Variants in ZNF273 observed in about 807,000 individuals in gnomAD.
The protein encoded by ZNF273 is zinc finger protein 273.
In ZNF273, 11 loss-of-function variants were observed where a neutral mutation model predicts 14.9. The observed-to-expected ratio is 0.74, with a 90% CI of 0.46 to 1.22. ZNF273 has a LOEUF of 1.22. ZNF273 is among the 50% of genes most tolerant of loss of function. The pLI is 0.00. For missense variants in ZNF273, 577 were observed against 660.6 expected (o/e 0.87, Z 1.39); for synonymous variants, 199 against 223.9 (o/e 0.89, Z 0.99).
intron 1 of ZNF273, among the ~76,000 whole-genome samples, chr7:64,906,006 A>G (rs1421069559): frequency 6.6e-6 from 1 of 152,220 alleles, no homozygotes; most frequent in East Asian, 1.9e-4. Flanking sequence ...CTTTGCCAGA[A>G]TGAGTTTAAG....
chr7:64,913,575 TA>T (rs1307656966), intron 1 of ZNF273, among the ~76,000 whole-genome samples: 2 of 152,236 alleles, frequency 1.3e-5, no homozygotes, highest in African/African-American at 4.8e-5. Context: ...CTGTAAACTT[TA>T]AAGAGACAGC....
chr7:64,883,625 G>A (rs1451473502), downstream of ZNF273, among the ~76,000 whole-genome samples: 1 of 152,200 alleles, frequency 6.6e-6, no homozygotes, highest in Non-Finnish European at 1.5e-5. Flanking sequence ...CGGTGCCCAG[G>A]TGGGAGGACT....
chr7:64,906,684 CT>C (rs1793131741), intron 1 of ZNF273, among the ~76,000 whole-genome samples: 1 of 122,642 alleles, frequency 8.2e-6, no homozygotes, highest in Non-Finnish European at 1.8e-5. Flanking sequence ...AGCCTTTATA[CT>C]GAGAGAAGCT....
intron 3 of ZNF273, among the ~76,000 whole-genome samples, chr7:64,920,006 CTG>C (rs1302205092): frequency 1.3e-5 from 2 of 151,604 alleles, no homozygotes; most frequent in Non-Finnish European, 2.9e-5. Flanking sequence ...GCATTGGTGT[CTG>C]TGAATTTGAA....
chr7:64,912,311 G>T (rs1793571349), intron 1 of ZNF273, among the ~76,000 whole-genome samples: 1 of 152,160 alleles, frequency 6.6e-6, no homozygotes, highest in Non-Finnish European at 1.5e-5. Flanking sequence ...AGGATTATTT[G>T]ATCAAGTATT....
intron 1 of ZNF273, among the ~76,000 whole-genome samples, chr7:64,916,196 G>A (rs958148567): frequency 6.6e-6 from 1 of 151,464 alleles, no homozygotes; most frequent in African/African-American, 2.4e-5. Context: ...AAATTATTAG[G>A]AGAAAACTGC....
chr7:64,895,556 C>T (rs1225259583), intron 3 of ZNF273, among the ~76,000 whole-genome samples: 4 of 152,064 alleles, frequency 2.6e-5, no homozygotes, highest in Non-Finnish European at 4.4e-5. Context: ...TAGTACAGCT[C>T]ATACATTTCA....
Position 64,929,287 on chromosome 7 carries a change from A to G in ZNF273, c.*249A>G, listed in dbSNP as rs1025379459. ...TGTCAAAAGATCTTTCAGACAATAT[A>G]AGCCTGCAAAGTGCAGCAGAGTATT... On this transcript the variant is annotated 3_prime_UTR_variant, in exon 4 of 4. Transcript: ENST00000476120. The G allele has an allele frequency of 3.4e-6, 1 of 290,842 alleles. No homozygotes were observed. The highest frequency in any genetic ancestry group is 6.3e-6 in the Non-Finnish European group (1 of 158,184). 18.0% of individuals were successfully genotyped at this position (290,842 alleles called of 1,614,324 possible).
At chr7:64,916,238 C>T (rs1281345704) in intron 1 of ZNF273, among the ~76,000 whole-genome samples, 1 of 151,818 alleles carries the variant, frequency 6.6e-6, no homozygotes, top group African/African-American at 2.4e-5. Context: ...CTTAAAATTA[C>T]TGTTAAAAAT....
rs1475015904 is a variant in ZNF273, at chr7:64,930,794, GTTTTGATACAGGTAT to G, written c.*1757_*1771del. The G allele has an allele frequency of 5.3e-5, 8 of 152,026 alleles. No homozygotes were observed. In the East Asian group the frequency reaches 1.3e-3, roughly 26 times the overall value. 9.4% of individuals were successfully genotyped at this position (152,026 alleles called of 1,614,324 possible). A position where few individuals can be genotyped will look rare whatever the true frequency, so the allele number is the denominator to read the frequency against. On this transcript the variant is annotated 3_prime_UTR_variant, in exon 4 of 4. Coordinates refer to ENST00000476120, the MANE Select transcript of ZNF273 (RefSeq NM_021148.3). The stretch of plus-strand genomic sequence containing the variant: ...TATGTTTTTATGCTGTATATGGCAT[GTTTTGATACAGGTAT>G]ATAATATGTAATAATCACATCAGGG...
At chr7:64,887,213 T>C (rs1583957909) in intron 1 of ZNF273, among the ~76,000 whole-genome samples, 2 of 152,238 alleles carry the variant, frequency 1.3e-5, no homozygotes, top group Non-Finnish European at 2.9e-5. Flanking sequence ...ATGCTGTGAA[T>C]GTGTGCACGT....
rs746174998 is a variant in ZNF273, at chr7:64,912,826, G to GTTTTGTTTTTTGTTTTTTTT, written c.103-4751_103-4750insGTTTTTTGTTTTTTTTTTTT. On this transcript the variant is annotated intron_variant, in intron 1 of 3. Coordinates refer to ENST00000476120, the MANE Select transcript of ZNF273 (RefSeq NM_021148.3). ...TCTTTTTGACTCAGGATTCATTTTA[G>GTTTTGTTTTTTGTTTTTTTT]TTTTTTTTTTTTTTTTTTTTGAGAT... Among the ~76,000 whole-genome samples, 19 of 36,572 alleles carry GTTTTGTTTTTTGTTTTTTTT rather than the reference G, an allele frequency of 5.2e-4. 1 individual carries two copies. Among genetic ancestry groups the GTTTTGTTTTTTGTTTTTTTT allele is most frequent in the East Asian group, 3.7e-3 (6 of 1,618 alleles). 24.0% of individuals were successfully genotyped at this position (36,572 alleles called of 152,430 possible). A position where few individuals can be genotyped will look rare whatever the true frequency, so the allele number is the denominator to read the frequency against.
chr7:64,890,186 A>AGG (rs201888282), downstream of ZNF273: 9,366 of 50,578 alleles, frequency 0.19, 387 homozygotes, highest in Non-Finnish European at 0.23. Flanking sequence ...GAAGCAGGTT[A>AGG]GGGGTGTGTG....
intron 1 of ZNF273, among the ~76,000 whole-genome samples, chr7:64,911,831 G>A (rs571031498): frequency 3.8e-4 from 58 of 151,882 alleles, no homozygotes; most frequent in Non-Finnish European, 7.2e-4. Context: ...TTGTTAAATC[G>A]AGATCTTTCT....
chr7:64,893,214 T>A (rs991900994), downstream of ZNF273, among the ~76,000 whole-genome samples: 6 of 152,218 alleles, frequency 3.9e-5, no homozygotes, highest in Non-Finnish European at 8.8e-5. Flanking sequence ...TCTGTATCAT[T>A]AAGACTCATC....
chr7:64,880,245 GC>G (rs1791209496), downstream of ZNF273: 1 of 152,246 alleles, frequency 6.6e-6, no homozygotes, highest in Admixed American at 6.5e-5. Flanking sequence ...TCAAGGTAAG[GC>G]CAAGGGATAC....
In ZNF273 at chr7:64,888,173, C is replaced by T. The variant is rs1451430362; in HGVS notation, n.274-400C>T. Among the ~76,000 whole-genome samples, 5 of 152,258 alleles carry T rather than the reference C, an allele frequency of 3.3e-5. No homozygotes were observed. The East Asian group carries it at 7.8e-4, about 24-fold the overall frequency. ...GTGCTTCTTCCACCTGGGGAGCCCC[C>T]GGGGCCCTCATTTCACCCCATTCCC... On this transcript the variant is annotated intron_variant and non_coding_transcript_variant, in intron 1 of 1. Coordinates refer to the ZNF273 transcript ENST00000471926.
In ZNF273 at chr7:64,928,022, A is replaced by T. The variant is rs764227320; in HGVS notation, c.694A>T (p.Asn232Tyr). ...TQHKKTATRVNFYKCKTCGKA... is the reference protein window; with the variant it reads ...TQHKKTATRVYFYKCKTCGKA... ...GCATAAGAAAACTGCTACTAGAGTG[A>T]ATTTCTACAAATGTAAGACATGTGG... The change falls in exon 4 of 4, where the codon AAT becomes TAT. Residue 232 changes from asparagine (N) to tyrosine (Y), a missense_variant. By Grantham distance (143) the Asn-to-Tyr change is moderately radical. This residue lies in a region of ZNF273 where 411 missense variants were observed against 440.4 expected (regional missense o/e 0.93). Transcript: ENST00000476120. 21 of 1,613,940 alleles carry T rather than the reference A, an allele frequency of 1.3e-5. No homozygotes were observed. The highest frequency in any genetic ancestry group is 1.7e-5 in the Non-Finnish European group (20 of 1,179,958).
downstream of ZNF273, chr7:64,890,183 G>A (rs1406495531): frequency 1.7e-5 from 1 of 60,566 alleles, no homozygotes; most frequent in Non-Finnish European, 4.0e-5. Flanking sequence ...GAGGAAGCAG[G>A]TTAGGGGTGT....
Sources: allele counts gnomAD v4.1 joint callset (sites outside exome capture counted in the v4.1 genomes callset), GRCh38; gene constraint gnomAD v4.1.1; regional missense constraint gnomAD v4.1.1; transcripts MANE v1.5; gene names NCBI Gene and HGNC (gene_info 2026-07-23, HGNC 2026-07-21).